The following ST8SIA5 variants were observed in gnomAD, a reference collection of about 807,000 sequenced individuals.
The protein encoded by ST8SIA5 is alpha-2,8-sialyltransferase 8E.
A neutral mutation model predicts 40.2 loss-of-function variants in ST8SIA5; 24 were observed. The ratio of observed to expected loss-of-function variants is 0.60; its 90% CI spans 0.43 to 0.84. The LOEUF (loss-of-function observed/expected upper bound fraction) is 0.84, where lower values mean the gene tolerates loss of function less well. Among genes scored for constraint, ST8SIA5 ranks in the 40% least tolerant of loss-of-function variants. The probability of loss-of-function intolerance (pLI) is 0.00; values close to 1 mark genes in which losing one functional copy is unlikely to be tolerated. For synonymous variants in ST8SIA5, 198 were observed against 201.8 expected (o/e 0.98, Z 0.16); for missense variants, 465 against 498.5 (o/e 0.93, Z 0.64).
intron 1 of ST8SIA5, among the ~76,000 whole-genome samples, chr18:46,733,294 C>A (rs948516887): frequency 6.6e-6 from 1 of 152,182 alleles, no homozygotes; most frequent in African/African-American, 2.4e-5. Context: ...TGTATAATTG[C>A]TTTTCTATTG....
At chr18:46,720,915 AC>A (rs1227820434) in intron 1 of ST8SIA5, among the ~76,000 whole-genome samples, 2 of 152,046 alleles carry the variant, frequency 1.3e-5, no homozygotes, top group Non-Finnish European at 2.9e-5. Flanking sequence ...GCCAAGGGCA[AC>A]CTCCCCTGTG....
intron 6 of ST8SIA5, 92 bp from the exon 7 acceptor site, chr18:46,680,602 G>T: frequency 7.6e-7 from 1 of 1,317,330 alleles, no homozygotes; most frequent in Non-Finnish European, 1.0e-6. Context: ...GCTTTGCAAA[G>T]GACGGAAGGG....
At chr18:46,739,460 G>C (rs1234572844) in intron 1 of ST8SIA5, among the ~76,000 whole-genome samples, 1 of 152,174 alleles carries the variant, frequency 6.6e-6, no homozygotes. Context: ...CTTGAACCCG[G>C]GAGGCGGAGG....
chr18:46,731,054 T>C (rs1005924876), intron 1 of ST8SIA5, among the ~76,000 whole-genome samples: 36 of 152,186 alleles, frequency 2.4e-4, no homozygotes, highest in Non-Finnish European at 8.8e-5. Context: ...ATGAACTATG[T>C]GTGACAAATG....
At chr18:46,725,975 ATATATATAT>A (rs2039918606) in intron 1 of ST8SIA5, among the ~76,000 whole-genome samples, 4 of 27,152 alleles carry the variant, frequency 1.5e-4, no homozygotes, top group Non-Finnish European at 2.6e-4. Flanking sequence ...AAAAAAAAAT[ATATATATAT>A]ATATATATAT....
At chr18:46,712,681 G>C (rs1445726435) in intron 1 of ST8SIA5, among the ~76,000 whole-genome samples, 2 of 152,190 alleles carry the variant, frequency 1.3e-5, no homozygotes, top group Non-Finnish European at 2.9e-5. Context: ...ACTCATCAAA[G>C]ATTTATAGAC....
Position 46,669,496 on chromosome 18 carries a change from G to A in ST8SIA5, c.*10546C>T, listed in dbSNP as rs576816001. On this transcript the variant is annotated 3_prime_UTR_variant, in exon 7 of 7. Transcript: ENST00000315087. ...AAAAGTGTCACTTTCCCCCAGAAAT[G>A]GTCATCTTTTTAAATTCACCAAAAA... The A allele has an allele frequency of 6.6e-6, 1 of 152,140 alleles. No homozygotes were observed. 9.4% of individuals were successfully genotyped at this position (152,140 alleles called of 1,614,324 possible).
chr18:46,701,233 C>CG (rs1474556720), intron 2 of ST8SIA5, among the ~76,000 whole-genome samples: 1 of 145,458 alleles, frequency 6.9e-6, no homozygotes, highest in East Asian at 2.1e-4. Context: ...CTCCACCTCC[C>CG]GGGTTCAAGC....
intron 2 of ST8SIA5, among the ~76,000 whole-genome samples, chr18:46,699,949 T>C (rs912301704): frequency 1.3e-5 from 2 of 152,170 alleles, no homozygotes; most frequent in Admixed American, 6.5e-5. Flanking sequence ...GTCTCAGTAC[T>C]GGGCTCAGCA....
chr18:46,725,972 A>AAAAAAAAT (rs59660372), intron 1 of ST8SIA5, among the ~76,000 whole-genome samples: 20 of 29,090 alleles, frequency 6.9e-4, no homozygotes, highest in Non-Finnish European at 4.8e-4. Flanking sequence ...AAAAAAAAAA[A>AAAAAAAAT]ATATATATAT....
At chr18:46,710,552 T>C (rs1018653365) in intron 1 of ST8SIA5, among the ~76,000 whole-genome samples, 11 of 148,922 alleles carry the variant, frequency 7.4e-5, no homozygotes, top group Non-Finnish European at 1.3e-4. Flanking sequence ...CTCTCTTTTT[T>C]TTTTTTTTGA....
chr18:46,704,210 T>C (rs1422529621), intron 2 of ST8SIA5, among the ~76,000 whole-genome samples: 4 of 152,198 alleles, frequency 2.6e-5, no homozygotes, highest in African/African-American at 9.6e-5. Context: ...CGCTTAACCC[T>C]GCGGTGCAAC....
At chr18:46,735,833 A>T (rs1255501578) in intron 1 of ST8SIA5, among the ~76,000 whole-genome samples, 1 of 151,884 alleles carries the variant, frequency 6.6e-6, no homozygotes, top group Non-Finnish European at 1.5e-5. Flanking sequence ...GGCTAGTCTC[A>T]AATTCCCGGG....
At chr18:46,687,543 T>C (rs971061962) in intron 4 of ST8SIA5, among the ~76,000 whole-genome samples, 8 of 152,176 alleles carry the variant, frequency 5.3e-5, no homozygotes, top group Non-Finnish European at 1.2e-4. Flanking sequence ...GTCACCAGCC[T>C]CATGTTCCAG....
intron 1 of ST8SIA5, among the ~76,000 whole-genome samples, chr18:46,710,367 C>CTT (rs1239306239): frequency 3.0e-4 from 7 of 23,460 alleles, no homozygotes; most frequent in East Asian, 1.8e-3. Context: ...TCTTTCTTTT[C>CTT]TTTCTTTCTT....
intron 2 of ST8SIA5, among the ~76,000 whole-genome samples, chr18:46,695,961 T>C (rs2039553417): frequency 6.6e-6 from 1 of 152,186 alleles, no homozygotes. Context: ...AAATATATAA[T>C]GCCTTGCCAG....
intron 1 of ST8SIA5, among the ~76,000 whole-genome samples, chr18:46,733,848 T>C (rs1199513046): frequency 6.6e-6 from 1 of 152,078 alleles, no homozygotes. Flanking sequence ...CATCAGTTCA[T>C]GGAAGAAAGG....
intron 1 of ST8SIA5, among the ~76,000 whole-genome samples, chr18:46,711,544 C>T (rs1043549849): frequency 1.3e-5 from 2 of 152,182 alleles, no homozygotes; most frequent in East Asian, 3.8e-4. Context: ...AGTCAGCAGC[C>T]CTTCCCCCTC....
chr18:46,692,098 A>G (rs1217895553), intron 3 of ST8SIA5, 71 bp downstream of exon 3: 1 of 1,522,110 alleles, frequency 6.6e-7, no homozygotes, highest in Non-Finnish European at 9.1e-7. Context: ...TTGCAGGACA[A>G]TGGAGACCAG....
Sources: allele counts gnomAD v4.1 joint callset (sites outside exome capture counted in the v4.1 genomes callset), GRCh38; gene constraint gnomAD v4.1.1; transcripts MANE v1.5; gene names NCBI Gene and HGNC (gene_info 2026-07-23, HGNC 2026-07-21).